RGS7: variants seen among roughly 807,000 people sequenced by gnomAD.
RGS7 encodes regulator of G protein signaling 7.
Under a neutral mutation model 81.1 loss-of-function variants are expected in RGS7, and 27 were observed. That is an observed-to-expected ratio of 0.33 (90% confidence interval 0.25 to 0.46). The LOEUF is 0.46. Ranked by LOEUF, RGS7 falls within the 20% of genes least tolerant of loss-of-function variation. RGS7 has a pLI of 1.00. For missense variants in RGS7, 396 were observed against 607.4 expected, an observed-to-expected ratio of 0.65 and a Z score of 3.66; for synonymous variants, 208 against 207.7, an observed-to-expected ratio of 1.00 and a Z score of -0.01.
chr1:241,146,078 G>A (rs930114906), intron 2 of RGS7, among the ~76,000 whole-genome samples: 4 of 152,152 alleles, frequency 2.6e-5, no homozygotes, highest in African/African-American at 9.7e-5. Flanking sequence ...TGTGGAGAGT[G>A]GGGGTGGCAG....
intron 2 of RGS7, among the ~76,000 whole-genome samples, chr1:241,316,584 C>T (rs1213585416): frequency 1.3e-5 from 2 of 152,226 alleles, no homozygotes; most frequent in Non-Finnish European, 2.9e-5. Flanking sequence ...TGTGGTGAGG[C>T]ATTCTTGCAT....
chr1:241,051,254 T>G (rs1445040460), intron 3 of RGS7, among the ~76,000 whole-genome samples: 1 of 152,156 alleles, frequency 6.6e-6, no homozygotes, highest in African/African-American at 2.4e-5. Flanking sequence ...TAATTCTGCC[T>G]TGTCATGGAA....
chr1:240,968,927 C>A lies in RGS7; in HGVS notation c.226+14152G>T, dbSNP rs143557909. On this transcript the variant is annotated intron_variant, in intron 4 of 18. Transcript: ENST00000440928. ...AACTGAAATACAGGAGGGGGAAAAC[C>A]TAACTCATTCCTCATCTGGGAAATA... Among the ~76,000 whole-genome samples the A allele has an allele frequency of 2.0e-3, 305 of 152,246 alleles. 2 individuals carry two copies. Among genetic ancestry groups the A allele is most frequent in the Non-Finnish European group, 2.9e-3 (199 of 68,016 alleles).
chr1:240,859,085 A>T (rs916679338), intron 9 of RGS7, among the ~76,000 whole-genome samples: 10 of 152,220 alleles, frequency 6.6e-5, no homozygotes, highest in Non-Finnish European at 1.2e-4. Context: ...CTTTGCTAGA[A>T]TTCATCAGTG....
chr1:241,285,022 C>T (rs4660060), intron 2 of RGS7, among the ~76,000 whole-genome samples: 1 of 151,912 alleles, frequency 6.6e-6, no homozygotes, highest in Admixed American at 6.6e-5. Context: ...AGGCACCCAC[C>T]ACAATGCCCA....
At chr1:241,300,736 T>G (rs2079702743) in intron 2 of RGS7, among the ~76,000 whole-genome samples, 1 of 152,198 alleles carries the variant, frequency 6.6e-6, no homozygotes, top group Non-Finnish European at 1.5e-5. Context: ...GTGCACAGGT[T>G]TTTGTGTGGA....
intron 2 of RGS7, among the ~76,000 whole-genome samples, chr1:241,309,905 A>G (rs1471866575): frequency 6.6e-6 from 1 of 152,228 alleles, no homozygotes; most frequent in Non-Finnish European, 1.5e-5. Flanking sequence ...AGCTTATGAC[A>G]CAGTGCCCAG....
chr1:240,834,603 C>T (rs930303070), intron 9 of RGS7, among the ~76,000 whole-genome samples: 5 of 152,126 alleles, frequency 3.3e-5, no homozygotes, highest in African/African-American at 9.7e-5. Context: ...CTCCGCCTCC[C>T]GGGTTCACGC....
chr1:240,964,377 C>A (rs1681956270), intron 4 of RGS7, among the ~76,000 whole-genome samples: 1 of 152,016 alleles, frequency 6.6e-6, no homozygotes, highest in African/African-American at 2.4e-5. Flanking sequence ...ATCTTGGTAG[C>A]AATAATTTAT....
intron 3 of RGS7, among the ~76,000 whole-genome samples, chr1:240,996,200 A>C (rs746251801): frequency 6.6e-6 from 1 of 152,112 alleles, no homozygotes; most frequent in Non-Finnish European, 1.5e-5. Flanking sequence ...GATGTGTTTA[A>C]TGGCCCAAAA....
chr1:240,834,666 A>G (rs952435828), intron 9 of RGS7, among the ~76,000 whole-genome samples: 2 of 151,908 alleles, frequency 1.3e-5, no homozygotes, highest in African/African-American at 4.8e-5. Context: ...GTCCGCCACC[A>G]CGCCCAGCTA....
intron 18 of RGS7, among the ~76,000 whole-genome samples, chr1:240,786,254 C>T (rs531847436): frequency 1.3e-5 from 2 of 151,968 alleles, no homozygotes; most frequent in African/African-American, 4.8e-5. Flanking sequence ...GTCCTTCTAC[C>T]TTTTTATACA....
intron 3 of RGS7, among the ~76,000 whole-genome samples, chr1:241,081,690 AT>A (rs2063142821): frequency 6.6e-6 from 1 of 152,214 alleles, no homozygotes; most frequent in Admixed American, 6.5e-5. Flanking sequence ...CATTCCTATG[AT>A]TCTTGGAGTC....
chr1:240,982,869 G>A (rs1685127643), intron 4 of RGS7, among the ~76,000 whole-genome samples: 1 of 152,134 alleles, frequency 6.6e-6, no homozygotes. Context: ...GCAGAATTAA[G>A]GATGTGAAAA....
chr1:240,793,261 G>A (rs1464544640), intron 18 of RGS7, among the ~76,000 whole-genome samples: 1 of 151,970 alleles, frequency 6.6e-6, no homozygotes, highest in Non-Finnish European at 1.5e-5. Context: ...TGCTGCCAGG[G>A]GAAAATGAAG....
intron 9 of RGS7, among the ~76,000 whole-genome samples, chr1:240,830,261 G>A (rs1693598351): frequency 6.6e-6 from 1 of 152,248 alleles, no homozygotes; most frequent in South Asian, 2.1e-4. Context: ...TAAGAATAGT[G>A]GGTGGATGGG....
At chr1:240,855,255 A>G (rs1375856876) in intron 9 of RGS7, among the ~76,000 whole-genome samples, 2 of 145,960 alleles carry the variant, frequency 1.4e-5, no homozygotes, top group African/African-American at 2.5e-5. Context: ...GCGCGTCCAT[A>G]GATTACACAT....
intron 2 of RGS7, among the ~76,000 whole-genome samples, chr1:241,161,882 TA>T (rs1360525271): frequency 2.6e-5 from 4 of 152,050 alleles, no homozygotes; most frequent in Non-Finnish European, 5.9e-5. Context: ...CACGCCTGGC[TA>T]ATTTTTGTAT....
At chr1:240,985,253 T>C (rs1023250549) in intron 3 of RGS7, among the ~76,000 whole-genome samples, 1 of 152,254 alleles carries the variant, frequency 6.6e-6, no homozygotes, top group Non-Finnish European at 1.5e-5. Context: ...CCTGCTCATT[T>C]TTCAGAGTTG....
Sources: gnomAD v4.1 joint callset for allele counts (sites outside exome capture counted in the v4.1 genomes callset) on GRCh38, gnomAD v4.1.1 for gene constraint, MANE v1.5 for transcripts, NCBI Gene and HGNC (gene_info 2026-07-23, HGNC 2026-07-21) for gene names.